The following SGF29 variants were observed in gnomAD, a reference collection of about 807,000 sequenced individuals.
SGF29 encodes SAGA complex associated factor 29, also known as SAGA-associated factor 29.
SGF29 carries 15 observed loss-of-function variants against 38.1 expected under a neutral mutation model. The observed-to-expected ratio is 0.39, with a 90% CI of 0.26 to 0.61. The LOEUF (loss-of-function observed/expected upper bound fraction) is 0.61, where lower values mean the gene tolerates loss of function less well. Ranked by LOEUF, SGF29 falls within the 20% of genes least tolerant of loss-of-function variation. The probability of loss-of-function intolerance (pLI) is 0.49; values close to 1 mark genes in which losing one functional copy is unlikely to be tolerated. For synonymous variants in SGF29, 151 were observed against 160.8 expected (o/e 0.94, Z 0.46); for missense variants, 184 against 394.6 (o/e 0.47, Z 4.52).
intron 4 of SGF29, chr16:28,588,649 C>A: frequency 2.3e-6 from 1 of 427,414 alleles, no homozygotes; most frequent in Non-Finnish European, 4.6e-6. Context: ...ACTGCAACCT[C>A]TGCCTCCCAG....
chr16:28,562,450 C>T (rs1040906134), intron 1 of SGF29, among the ~76,000 whole-genome samples: 4 of 152,044 alleles, frequency 2.6e-5, no homozygotes, highest in Admixed American at 6.6e-5. Flanking sequence ...TGGCAGGTGG[C>T]GTACTTCATT....
intron 1 of SGF29, among the ~76,000 whole-genome samples, chr16:28,558,740 G>C (rs974199761): frequency 2.0e-5 from 3 of 152,194 alleles, no homozygotes; most frequent in Admixed American, 6.5e-5. Flanking sequence ...TGAAGTTACT[G>C]ATACATGCTG....
chr16:28,579,039 C>T (rs928633673), intron 1 of SGF29, among the ~76,000 whole-genome samples: 8 of 152,032 alleles, frequency 5.3e-5, no homozygotes, highest in Non-Finnish European at 7.4e-5. Context: ...CTCCTACCTT[C>T]GCCTCCCAAA....
chr16:28,567,451 A>G (rs2046841660), intron 1 of SGF29, among the ~76,000 whole-genome samples: 1 of 152,232 alleles, frequency 6.6e-6, no homozygotes. Context: ...CTAGTCTAAA[A>G]TATTTTGTTA....
chr16:28,585,363 A>G (rs2046950575), intron 3 of SGF29: 5 of 546,726 alleles, frequency 9.1e-6, no homozygotes, highest in Non-Finnish European at 1.3e-5. Flanking sequence ...AACTCTGAGA[A>G]TTGTGTTTTC....
At chr16:28,588,491 T>C (rs2046967867) in intron 4 of SGF29, 1 of 349,532 alleles carries the variant, frequency 2.9e-6, no homozygotes, top group Non-Finnish European at 5.6e-6. Flanking sequence ...GTTCTCTTAG[T>C]TTTTGGCATG....
chr16:28,566,339 C>T (rs2046836364), intron 1 of SGF29, among the ~76,000 whole-genome samples: 2 of 151,916 alleles, frequency 1.3e-5, no homozygotes, highest in African/African-American at 2.4e-5. Context: ...TTAACCCTGC[C>T]TAGGAGACTG....
At chr16:28,585,860 G>T in intron 4 of SGF29, 140 bp downstream of exon 4, 2 of 759,660 alleles carry the variant, frequency 2.6e-6, no homozygotes, top group Non-Finnish European at 4.5e-6. Flanking sequence ...CTTGGGTCCC[G>T]CATTCCCTGG....
Position 28,557,003 on chromosome 16 carries a change from A to G in SGF29, c.-16+2906A>G, listed in dbSNP as rs1475567020. On this transcript the variant is annotated intron_variant, in intron 1 of 9. Transcript: ENST00000317058. Reference sequence around the variant, plus strand: ...AGAGTGTGGGATGTGAGTGTGGGGTATTAGGTTCCTCTTTCCCTTTGACCC... The same window carrying G: ...AGAGTGTGGGATGTGAGTGTGGGGTGTTAGGTTCCTCTTTCCCTTTGACCC... Among the ~76,000 whole-genome samples the G allele has an allele frequency of 2.6e-5, 4 of 152,210 alleles. No individual in the cohort carries two copies. The East Asian group carries it at 7.7e-4, about 29-fold the overall frequency.
At chr16:28,572,674 T>C (rs1047102428) in intron 1 of SGF29, among the ~76,000 whole-genome samples, 7 of 152,276 alleles carry the variant, frequency 4.6e-5, no homozygotes, top group Non-Finnish European at 8.8e-5. Context: ...AGCGCAGCCT[T>C]GAGCCAGAAG....
At chr16:28,591,441 G>T in intron 9 of SGF29, 149 bp from the exon 10 acceptor site, 1 of 688,440 alleles carries the variant, frequency 1.5e-6, no homozygotes, top group South Asian at 1.7e-5. Flanking sequence ...CAGGGACTGG[G>T]CCAAGACTTC....
chr16:28,556,539 G>T (rs1035319598), intron 1 of SGF29, among the ~76,000 whole-genome samples: 1 of 152,172 alleles, frequency 6.6e-6, no homozygotes, highest in African/African-American at 2.4e-5. Context: ...TAGAGACAGG[G>T]TTTCACCATG....
At position 28,590,763 on chromosome 16, in the gene SGF29, C is replaced by G; in HGVS notation, c.603-10C>G. 1 of 1,614,026 alleles carries G rather than the reference C, an allele frequency of 6.2e-7. No homozygotes were observed. The highest frequency in any genetic ancestry group is 8.5e-7 in the Non-Finnish European group (1 of 1,179,952). ...CGGCCACAGGTTGATATAAGCCCCT[C>G]TTCCCCCAGGAGACACACCCTGAGC... On this transcript the variant is annotated splice_polypyrimidine_tract_variant and intron_variant, in intron 8 of 9. Transcript: ENST00000317058. This position sits in a 1 kb window ranked among gnomAD's most constrained non-coding sequence, Gnocchi z 8.2.
chr16:28,577,492 T>C (rs1437986962), intron 1 of SGF29, among the ~76,000 whole-genome samples: 1 of 152,260 alleles, frequency 6.6e-6, no homozygotes, highest in Admixed American at 6.5e-5. Flanking sequence ...TCTTCTGTGA[T>C]TGCAGCTTCT....
At chr16:28,564,214 G>A (rs138787713) in intron 1 of SGF29, among the ~76,000 whole-genome samples, 13 of 152,078 alleles carry the variant, frequency 8.5e-5, no homozygotes, top group Non-Finnish European at 1.8e-4. Flanking sequence ...AGAGCAGTGC[G>A]GGACTGGAAG....
At position 28,590,911 on chromosome 16, in the gene SGF29, C is replaced by T; in HGVS notation, c.741C>T (p.Ala247=). 6.2e-7 allele frequency: 1 copy of T among 1,612,386 alleles called. No individual in the cohort carries two copies. Among genetic ancestry groups the T allele is most frequent in the South Asian group, 1.1e-5 (1 of 90,784 alleles). Residue 247 remains alanine, a synonymous_variant, in exon 9 of 10, where the codon GCC becomes GCT. Transcript: ENST00000317058. The surrounding 1 kb of genome is among the most constrained non-coding windows in gnomAD (Gnocchi z 8.2). ...CCCAGACTACCTGCTTCTACCGCGC[C>T]CTGATCCATGCGCCCCCACAGCGGG... ...LYPQTTCFYR[A]LIHAPPQRPQ...
intron 9 of SGF29, 68 bp from the exon 10 acceptor site, chr16:28,591,522 G>C: frequency 9.2e-7 from 1 of 1,083,308 alleles, no homozygotes. Context: ...GGTCTAGGCT[G>C]GGGGAAGGGG....
intron 4 of SGF29, 146 bp from the exon 5 acceptor site, chr16:28,588,954 C>T (rs1473533663): frequency 1.2e-5 from 9 of 775,680 alleles, no homozygotes; most frequent in Middle Eastern, 2.4e-4. Context: ...CCTGTCATTC[C>T]ACCTGCGCAG....
chr16:28,583,390 C>A (rs56236750), intron 2 of SGF29, among the ~76,000 whole-genome samples: 11 of 152,160 alleles, frequency 7.2e-5, no homozygotes, highest in East Asian at 1.9e-4. Context: ...GTATCCCCCC[C>A]CAACCCCAAT....
Sources: gnomAD v4.1 joint callset for allele counts (sites outside exome capture counted in the v4.1 genomes callset) on GRCh38, gnomAD v4.1.1 for gene constraint, Gnocchi (gnomAD v3.1) non-coding constraint, MANE v1.5 for transcripts, NCBI Gene and HGNC (gene_info 2026-07-23, HGNC 2026-07-21) for gene names.